Variants in PCDHA4 observed in about 807,000 individuals in gnomAD.
The protein encoded by PCDHA4 is protocadherin alpha 4.
Under a neutral mutation model 61.4 loss-of-function variants are expected in PCDHA4, and 49 were observed. That is an observed-to-expected ratio of 0.80 (90% CI 0.63 to 1.01). The LOEUF (loss-of-function observed/expected upper bound fraction) is 1.01, where lower values mean the gene tolerates loss of function less well. PCDHA4 is among the 50% of genes least tolerant of loss of function. The probability of loss-of-function intolerance (pLI) is 0.00; values close to 1 mark genes in which losing one functional copy is unlikely to be tolerated. For synonymous variants in PCDHA4, 590 were observed against 550.3 expected, an observed-to-expected ratio of 1.07 and a Z score of -1.01; for missense variants, 1,254 against 1,235.8, an observed-to-expected ratio of 1.01 and a Z score of -0.22.
At chr5:140,981,939 A>G (rs765176340) in intron 2 of PCDHA4, among the ~76,000 whole-genome samples, 1 of 152,180 alleles carries the variant, frequency 6.6e-6, no homozygotes, top group Non-Finnish European at 1.5e-5. Context: ...CTCAGGAAAT[A>G]TAGGGTGGGT....
intron 1 of PCDHA4, chr5:140,856,371 T>G: frequency 6.3e-7 from 1 of 1,598,432 alleles, no homozygotes; most frequent in South Asian, 1.1e-5. Flanking sequence ...CTGGAGGTGA[T>G]CGTGGACAGG....
chr5:140,870,833 A>G (rs782800341), intron 1 of PCDHA4: 3 of 1,613,654 alleles, frequency 1.9e-6, no homozygotes, highest in Admixed American at 3.3e-5. Context: ...GGCGCAGTTA[A>G]CAAGCTAGTA....
intron 1 of PCDHA4, among the ~76,000 whole-genome samples, chr5:140,941,249 TTCTTTC>T (rs1367740560): frequency 3.0e-4 from 42 of 138,342 alleles, no homozygotes; most frequent in South Asian, 7.1e-4. Context: ...CTTTCTTTCT[TTCTTTC>T]TCTTTCTTTC....
At chr5:140,931,975 T>C (rs2087911858) in intron 1 of PCDHA4, among the ~76,000 whole-genome samples, 1 of 151,962 alleles carries the variant, frequency 6.6e-6, no homozygotes, top group Non-Finnish European at 1.5e-5. Flanking sequence ...CATATGTGTT[T>C]ATATTTTGCT....
chr5:140,966,075 T>C (rs1164431515), intron 1 of PCDHA4: 1 of 153,402 alleles, frequency 6.5e-6, no homozygotes, highest in Non-Finnish European at 1.4e-5. Context: ...CCCTGCGTTG[T>C]TTCCTTTTAA....
intron 1 of PCDHA4, chr5:140,861,587 G>A (rs781869263): frequency 4.3e-5 from 16 of 374,992 alleles, no homozygotes; most frequent in Middle Eastern, 1.0e-3. Context: ...TCCATGTGGA[G>A]GTGAAAGTGA....
At chr5:140,947,192 C>G (rs958443362) in intron 1 of PCDHA4, among the ~76,000 whole-genome samples, 27 of 151,038 alleles carry the variant, frequency 1.8e-4, no homozygotes, top group African/African-American at 6.6e-4. Flanking sequence ...GTATACTACA[C>G]AGCCTTAAAA....
intron 1 of PCDHA4, chr5:140,877,291 C>T (rs527823173): frequency 6.2e-7 from 1 of 1,613,932 alleles, no homozygotes; most frequent in Non-Finnish European, 8.5e-7. Context: ...TAACGCTTGG[C>T]TGTCCTACGA....
intron 3 of PCDHA4, among the ~76,000 whole-genome samples, chr5:140,996,121 G>A (rs2097712758): frequency 6.6e-6 from 1 of 152,212 alleles, no homozygotes; most frequent in Admixed American, 6.5e-5. Flanking sequence ...GTGCAGGGTG[G>A]TGTAGAGGGT....
intron 1 of PCDHA4, chr5:140,842,737 C>A: frequency 6.3e-7 from 1 of 1,595,052 alleles, no homozygotes; most frequent in Non-Finnish European, 8.6e-7. Flanking sequence ...CGCCGGGCTG[C>A]CACATCTTCA....
At chr5:140,883,202 G>T in intron 1 of PCDHA4, 1 of 1,613,916 alleles carries the variant, frequency 6.2e-7, no homozygotes, top group Non-Finnish European at 8.5e-7. Context: ...AGATTTCGAA[G>T]AAAAGAAATT....
intron 1 of PCDHA4, chr5:140,850,366 T>A (rs1226004214): frequency 1.3e-6 from 2 of 1,597,368 alleles, no homozygotes; most frequent in Non-Finnish European, 1.7e-6. Context: ...CCGTTCCGCG[T>A]GGGGCTGTAC....
chr5:141,007,478 G>A (rs1041976706), intron 3 of PCDHA4, among the ~76,000 whole-genome samples: 5 of 151,620 alleles, frequency 3.3e-5, no homozygotes, highest in Admixed American at 6.6e-5. Context: ...TGAGGCACGA[G>A]AATTACTTGG....
intron 1 of PCDHA4, chr5:140,829,138 G>A: frequency 6.2e-7 from 1 of 1,613,472 alleles, no homozygotes; most frequent in Non-Finnish European, 8.5e-7. Context: ...ACGTCCCTGA[G>A]ATAGCACTGA....
chr5:140,843,653 C>T lies in PCDHA4; in HGVS notation c.2385+34081C>T, dbSNP rs2150364582. On this transcript the variant is annotated intron_variant, in intron 1 of 3. Coordinates refer to ENST00000530339, the MANE Select transcript of PCDHA4 (RefSeq NM_018907.4). ...CATGGCCTTCAGCCCCTGCCTTCCT[C>T]CTGATCTGGGATCAGTTGATGTAGG... is the stretch of plus-strand genomic sequence containing the variant. 2.4e-5 allele frequency: 38 copies of T among 1,595,020 alleles called. 6 individuals carry two copies. The highest frequency in any genetic ancestry group is 3.0e-5 in the Non-Finnish European group (35 of 1,164,614).
chr5:140,850,541 G>T lies in PCDHA4; in HGVS notation c.2385+40969G>T. 3 of 1,598,386 alleles carry T rather than the reference G, an allele frequency of 1.9e-6. No individual in the cohort carries two copies. Among genetic ancestry groups the T allele is most frequent in the Non-Finnish European group, 2.6e-6 (3 of 1,167,870 alleles). ...AGGCGCCAAAGTCATCGTCGCGGGC[G>T]TCAGTGGGTGCCACGGGCCCCGAGG... On this transcript the variant is annotated intron_variant, in intron 1 of 3. Transcript: ENST00000530339.
chr5:140,981,943 G>A (rs1207723761), intron 2 of PCDHA4, among the ~76,000 whole-genome samples: 2 of 152,116 alleles, frequency 1.3e-5, no homozygotes, highest in Non-Finnish European at 2.9e-5. Flanking sequence ...GGAAATATAG[G>A]GTGGGTCATC....
rs1319882145 is a variant in PCDHA4, at chr5:140,858,933, A to G, written c.2385+49361A>G. ...GCTTATACTGCCATAGTAGATTTCA[A>G]TGTTCAGTGATTACAGCTTTTTCTC... is the stretch of plus-strand genomic sequence containing the variant. On this transcript the variant is annotated intron_variant, in intron 1 of 3. Transcript: ENST00000530339. The G allele has an allele frequency of 6.2e-5, 10 of 160,710 alleles. 1 individual carries two copies. The highest frequency in any genetic ancestry group is 2.4e-4 in the African/African-American group (10 of 41,146). The allele number at this position is 160,710 out of a possible 1,614,324, so 10.0% of individuals were successfully genotyped here. A position where few individuals can be genotyped will look rare whatever the true frequency, so the allele number is the denominator to read the frequency against.
intron 1 of PCDHA4, chr5:140,835,718 G>T (rs2150242992): frequency 1.9e-6 from 3 of 1,613,908 alleles, no homozygotes; most frequent in South Asian, 1.1e-5. Context: ...CCGTGGAGGT[G>T]GCCGACGTGA....
Sources: allele counts gnomAD v4.1 joint callset (sites outside exome capture counted in the v4.1 genomes callset), GRCh38; gene constraint gnomAD v4.1.1; transcripts MANE v1.5; gene names NCBI Gene and HGNC (gene_info 2026-07-23, HGNC 2026-07-21).